The following LRBA variants were observed in gnomAD, a reference collection of about 807,000 sequenced individuals.
LRBA encodes LPS responsive beige-like anchor protein, also known as lipopolysaccharide-responsive and beige-like anchor protein.
In LRBA, 176 loss-of-function variants were observed where a neutral mutation model predicts 330.0. The observed-to-expected ratio is 0.53, with a 90% confidence interval of 0.47 to 0.60. LRBA has a LOEUF of 0.60. LRBA is among the 20% of genes least tolerant of loss of function. The pLI, the probability that LRBA is intolerant of heterozygous loss-of-function variation, is 0.00. For missense variants in LRBA, 3,259 were observed against 3,444.8 expected, an observed-to-expected ratio of 0.95 and a Z score of 1.35; for synonymous variants, 1,230 against 1,193.0, an observed-to-expected ratio of 1.03 and a Z score of -0.64.
intron 30 of LRBA, among the ~76,000 whole-genome samples, chr4:150,823,195 T>C (rs1745721275): frequency 6.6e-6 from 1 of 152,230 alleles, no homozygotes; most frequent in Non-Finnish European, 1.5e-5. Context: ...TGTCATAAAA[T>C]CATTTGACAT....
intron 28 of LRBA, among the ~76,000 whole-genome samples, chr4:150,834,881 T>A (rs1332205212): frequency 6.6e-6 from 1 of 152,218 alleles, no homozygotes; most frequent in Non-Finnish European, 1.5e-5. Flanking sequence ...TCCTTGCCCA[T>A]GCCTGTGTCC....
chr4:150,664,431 A>G (rs1475310652), intron 37 of LRBA, among the ~76,000 whole-genome samples: 3 of 152,208 alleles, frequency 2.0e-5, no homozygotes, highest in Non-Finnish European at 4.4e-5. Flanking sequence ...AGTGTATCAT[A>G]AAGCATAATA....
rs1226472293 is a variant in LRBA at position 150,850,828 on chromosome 4, T to A, written c.3900A>T (p.Arg1300Ser). Residue 1300 changes from arginine (R) to serine (S), a missense_variant, in exon 24 of 57, where the codon AGA becomes AGT. By Grantham distance (110) the Arg-to-Ser change is moderately radical. Coordinates refer to ENST00000651943, the MANE Select transcript of LRBA (RefSeq NM_001364905.1). ...DAVNGQRRDSRSTVFRIPEFN... is the reference protein window; with the variant it reads ...DAVNGQRRDSSSTVFRIPEFN... The stretch of plus-strand genomic sequence containing the variant: ...ACTCAGGAATACGAAACACAGTAGA[T>A]CTGGAATCCCTCCTTTGTCCATTAA... 1 of 1,613,820 alleles carries A rather than the reference T, an allele frequency of 6.2e-7. No individual in the cohort carries two copies. The highest frequency in any genetic ancestry group is 1.3e-5 in the African/African-American group (1 of 74,924).
At chr4:150,709,385 A>T (rs1785957962) in intron 36 of LRBA, among the ~76,000 whole-genome samples, 1 of 151,994 alleles carries the variant, frequency 6.6e-6, no homozygotes, top group Admixed American at 6.5e-5. Context: ...TTTCAAGCAC[A>T]ATCAGTATGT....
intron 40 of LRBA, among the ~76,000 whole-genome samples, chr4:150,504,585 T>C (rs1027946122): frequency 2.0e-5 from 3 of 152,132 alleles, no homozygotes; most frequent in African/African-American, 7.2e-5. Flanking sequence ...AAGGAGCTCC[T>C]GAAGGAAGCA....
chr4:150,724,420 G>T (rs942067449), intron 36 of LRBA, among the ~76,000 whole-genome samples: 1 of 152,112 alleles, frequency 6.6e-6, no homozygotes, highest in Non-Finnish European at 1.5e-5. Context: ...TGGGGTCCAA[G>T]TCCTTTCAAA....
intron 35 of LRBA, among the ~76,000 whole-genome samples, chr4:150,742,348 A>T (rs1422986117): frequency 6.6e-6 from 1 of 151,870 alleles, no homozygotes; most frequent in Non-Finnish European, 1.5e-5. Flanking sequence ...GGGTCTCACT[A>T]TGTTGCCTAT....
rs1460410238 is a variant in LRBA at position 150,817,232 on chromosome 4, A to C, written c.5197T>G (p.Ser1733Ala). The C allele has an allele frequency of 6.2e-7, 1 of 1,612,200 alleles. No homozygotes were observed. Among genetic ancestry groups the C allele is most frequent in the Non-Finnish European group, 8.5e-7 (1 of 1,178,704 alleles). The change falls in exon 31 of 57, where the codon TCA becomes GCA. Residue 1733 changes from serine (S) to alanine (A), a missense_variant. Physicochemically the swap from Ser to Ala is moderately conservative, Grantham distance 99. Transcript: ENST00000651943. Reference sequence around the variant, plus strand: ...TTAAAGGTGGAAGGTGAGACTGCTGACTTTTTTGCTGCAACAATGACACTT... The same window carrying C: ...TTAAAGGTGGAAGGTGAGACTGCTGCCTTTTTTGCTGCAACAATGACACTT... ...DRSVIVAAKK[S>A]AVSPSTFNTS...
chr4:150,877,604 C>CAGT (rs1412158425), intron 17 of LRBA, among the ~76,000 whole-genome samples: 1 of 152,204 alleles, frequency 6.6e-6, no homozygotes, highest in Admixed American at 6.5e-5. Flanking sequence ...ACCCCACTGA[C>CAGT]AGGCATTAGA....
In LRBA at chr4:150,828,376, C is replaced by T. The variant is rs1746594596; in HGVS notation, c.4975G>A (p.Gly1659Arg). Residue 1659 changes from glycine to arginine, a missense_variant, in exon 30 of 57, where the codon GGA becomes AGA. Transcript: ENST00000651943. ...GTAGCCTTAGTGTCCAAGTCATTTC[C>T]TCTATCATTTTTGGTTTCCGGAGAC... ...NKSPETKNDRGNDLDTKATPS... is the reference protein window; with the variant it reads ...NKSPETKNDRRNDLDTKATPS... The T allele has an allele frequency of 6.2e-7, 1 of 1,613,862 alleles. No individual in the cohort carries two copies. Among genetic ancestry groups the T allele is most frequent in the Non-Finnish European group, 8.5e-7 (1 of 1,179,972 alleles).
chr4:150,675,696 C>T (rs747367590), intron 37 of LRBA, among the ~76,000 whole-genome samples: 3 of 151,564 alleles, frequency 2.0e-5, no homozygotes, highest in East Asian at 1.9e-4. Context: ...CCAACCTGGG[C>T]GACAAAGCGA....
chr4:150,977,390 C>T (rs938230559), intron 2 of LRBA, among the ~76,000 whole-genome samples: 5 of 152,106 alleles, frequency 3.3e-5, no homozygotes, highest in Non-Finnish European at 5.9e-5. Context: ...TATACACACA[C>T]GCTGGGCCAG....
chr4:150,438,845 A>C (rs927609174), intron 44 of LRBA, among the ~76,000 whole-genome samples: 1 of 152,194 alleles, frequency 6.6e-6, no homozygotes, highest in Admixed American at 6.5e-5. Flanking sequence ...GCTTGGTTTT[A>C]ATGAATATTA....
At chr4:150,881,862 G>A (rs781467617) in intron 17 of LRBA, among the ~76,000 whole-genome samples, 10 of 152,114 alleles carry the variant, frequency 6.6e-5, no homozygotes, top group East Asian at 3.9e-4. Context: ...CGAGGTGGGC[G>A]GATCACCTGA....
intron 36 of LRBA, among the ~76,000 whole-genome samples, chr4:150,707,359 A>G (rs997363826): frequency 6.6e-6 from 1 of 151,784 alleles, no homozygotes; most frequent in Non-Finnish European, 1.5e-5. Flanking sequence ...AAAACTACAA[A>G]GAAAGTATTC....
chr4:150,334,148 T>C (rs1318898573), intron 48 of LRBA, among the ~76,000 whole-genome samples: 1 of 152,160 alleles, frequency 6.6e-6, no homozygotes, highest in Non-Finnish European at 1.5e-5. Flanking sequence ...AAGAGTCTTC[T>C]AAGATTAAAA....
At chr4:150,302,537 T>C in intron 53 of LRBA, 88 bp downstream of exon 53, 1 of 809,600 alleles carries the variant, frequency 1.2e-6, no homozygotes, top group South Asian at 3.0e-5. Flanking sequence ...CCTGTCTCAC[T>C]TTTACCATAA....
At chr4:150,556,112 A>C (rs2152258552) in intron 40 of LRBA, among the ~76,000 whole-genome samples, 1 of 152,216 alleles carries the variant, frequency 6.6e-6, no homozygotes, top group South Asian at 2.1e-4. Context: ...CTAGAATCTA[A>C]AAATATTCTA....
rs371671627 is a variant in LRBA at position 150,549,481 on chromosome 4, G to A, written c.6330+38567C>T. On this transcript the variant is annotated intron_variant, in intron 40 of 56. Coordinates refer to ENST00000651943, the MANE Select transcript of LRBA (RefSeq NM_001364905.1). ...CGAGTAGCTGGGACTACAGGTGCCCGTCACCACGCCCGGCTAATTTTTTGT... is the reference window on the plus strand; with the variant it reads ...CGAGTAGCTGGGACTACAGGTGCCCATCACCACGCCCGGCTAATTTTTTGT... 2.7e-4 allele frequency among the ~76,000 whole-genome samples: 41 copies of A among 151,828 alleles called. No homozygotes were observed. The East Asian group carries it at 7.0e-3, about 26-fold the overall frequency.
Sources: allele counts gnomAD v4.1 joint callset (sites outside exome capture counted in the v4.1 genomes callset), GRCh38; gene constraint gnomAD v4.1.1; transcripts MANE v1.5; gene names NCBI Gene and HGNC (gene_info 2026-07-23, HGNC 2026-07-21).